The following GAS2 variants were observed in gnomAD, a reference collection of about 807,000 sequenced individuals.
GAS2 encodes the protein growth arrest specific 2.
GAS2 carries 20 observed loss-of-function variants against 37.5 expected under a neutral mutation model. The observed-to-expected ratio is 0.53, with a 90% CI of 0.37 to 0.77. The LOEUF is 0.77. Among genes scored for constraint, GAS2 ranks in the 30% least tolerant of loss-of-function variants. The pLI, the probability that GAS2 is intolerant of heterozygous loss-of-function variation, is 0.00. For missense variants in GAS2, 336 were observed against 373.4 expected, an observed-to-expected ratio of 0.90 and a Z score of 0.82; for synonymous variants, 144 against 132.2, an observed-to-expected ratio of 1.09 and a Z score of -0.61.
chr11:22,641,210 A>C (rs890253036), intron 1 of GAS2, among the ~76,000 whole-genome samples: 3 of 144,036 alleles, frequency 2.1e-5, no homozygotes, highest in African/African-American at 7.5e-5. Flanking sequence ...TTATATATAT[A>C]TATATATATG....
chr11:22,716,879 A>G (rs1851706959), intron 3 of GAS2, among the ~76,000 whole-genome samples: 1 of 152,116 alleles, frequency 6.6e-6, no homozygotes, highest in African/African-American at 2.4e-5. Flanking sequence ...CAAATCAAGA[A>G]CTCAACCCCT....
intron 3 of GAS2, among the ~76,000 whole-genome samples, chr11:22,718,479 T>TG (rs1851792105): frequency 7.0e-6 from 1 of 143,148 alleles, no homozygotes; most frequent in Non-Finnish European, 1.5e-5. Context: ...TGAAAAGGCA[T>TG]AAGAATAATA....
At chr11:22,646,095 G>A (rs1345542270) in intron 1 of GAS2, among the ~76,000 whole-genome samples, 2 of 151,878 alleles carry the variant, frequency 1.3e-5, no homozygotes, top group South Asian at 2.1e-4. Flanking sequence ...CAACTGTCTC[G>A]GCCTCCTGAA....
chr11:22,751,729 A>G (rs1853743611), intron 6 of GAS2, among the ~76,000 whole-genome samples: 1 of 151,950 alleles, frequency 6.6e-6, no homozygotes, highest in South Asian at 2.1e-4. Flanking sequence ...CTATCTGGCA[A>G]TCCTTGAGAT....
intron 1 of GAS2, among the ~76,000 whole-genome samples, chr11:22,657,966 G>A (rs1470209765): frequency 6.6e-6 from 1 of 151,102 alleles, no homozygotes; most frequent in Non-Finnish European, 1.5e-5. Context: ...TTTGGTGTTA[G>A]AAATTTAAAA....
chr11:22,706,577 A>T (rs1213481431), intron 3 of GAS2, among the ~76,000 whole-genome samples: 2 of 151,886 alleles, frequency 1.3e-5, no homozygotes, highest in Non-Finnish European at 2.9e-5. Flanking sequence ...GAGTGAGAAT[A>T]TGCGGTGTTT....
At chr11:22,706,438 C>A (rs1851124283) in intron 3 of GAS2, among the ~76,000 whole-genome samples, 1 of 152,040 alleles carries the variant, frequency 6.6e-6, no homozygotes, top group African/African-American at 2.4e-5. Context: ...CACCCACTAA[C>A]TCGTCATCTA....
At chr11:22,627,328 AATAAAT>A (rs1280744886) in intron 1 of GAS2, among the ~76,000 whole-genome samples, 2 of 152,228 alleles carry the variant, frequency 1.3e-5, no homozygotes, top group African/African-American at 4.8e-5. Flanking sequence ...TTAGTAGTAA[AATAAAT>A]GCAGTCCTAG....
chr11:22,766,793 A>G lies in GAS2; in HGVS notation c.723+10840A>G, dbSNP rs533815017. On this transcript the variant is annotated intron_variant, in intron 7 of 7. Coordinates refer to ENST00000454584, the MANE Select transcript of GAS2 (RefSeq NM_001143830.3). ...AGAAACTAAGGAACATTTACAATTT[A>G]CTACAATTATAAACTTATATTTATG... Among the ~76,000 whole-genome samples, 14 of 152,338 alleles carry G rather than the reference A, an allele frequency of 9.2e-5. No homozygotes were observed. In the South Asian group the frequency reaches 2.9e-3, roughly 32 times the overall value.
At chr11:22,745,993 A>G (rs1056248787) in intron 5 of GAS2, among the ~76,000 whole-genome samples, 1 of 152,040 alleles carries the variant, frequency 6.6e-6, no homozygotes, top group Non-Finnish European at 1.5e-5. Context: ...ATAAAAAATT[A>G]CAAAAACTCC....
At chr11:22,751,577 C>A (rs1471429349) in intron 6 of GAS2, among the ~76,000 whole-genome samples, 1 of 151,920 alleles carries the variant, frequency 6.6e-6, no homozygotes, top group East Asian at 1.9e-4. Context: ...TCTGTTTATC[C>A]ATGTTGGCCA....
At chr11:22,704,272 A>G (rs1850991814) in intron 3 of GAS2, among the ~76,000 whole-genome samples, 1 of 152,066 alleles carries the variant, frequency 6.6e-6, no homozygotes, top group South Asian at 2.1e-4. Context: ...TTTTAAATAA[A>G]TGAAATAAAT....
intron 3 of GAS2, among the ~76,000 whole-genome samples, chr11:22,711,132 G>GA (rs1172754813): frequency 6.6e-6 from 1 of 152,090 alleles, no homozygotes; most frequent in African/African-American, 2.4e-5. Context: ...TTAGACAGCT[G>GA]AAAAAACTAT....
intron 7 of GAS2, among the ~76,000 whole-genome samples, chr11:22,786,632 G>A (rs988776494): frequency 2.6e-5 from 4 of 152,072 alleles, no homozygotes; most frequent in Admixed American, 6.6e-5. Flanking sequence ...TGTATCTACC[G>A]TTTACTTCTA....
At chr11:22,737,827 C>A (rs1852837170) in intron 5 of GAS2, 59 bp downstream of exon 5, 10 of 1,452,890 alleles carry the variant, frequency 6.9e-6, no homozygotes, top group South Asian at 5.7e-5. Flanking sequence ...CCAAGCAACA[C>A]AGAAGCTTGC....
chr11:22,670,104 C>T (rs778248522), intron 1 of GAS2, among the ~76,000 whole-genome samples: 1 of 152,094 alleles, frequency 6.6e-6, no homozygotes, highest in Non-Finnish European at 1.5e-5. Flanking sequence ...CGATTTGGAG[C>T]ACTGTTTATT....
chr11:22,806,591 C>T (rs1235875773), intron 7 of GAS2, among the ~76,000 whole-genome samples: 1 of 152,178 alleles, frequency 6.6e-6, no homozygotes, highest in East Asian at 1.9e-4. Context: ...GTTCCCTTTT[C>T]TCCACATTCT....
At chr11:22,651,184 GTT>G (rs1282463345) in intron 1 of GAS2, among the ~76,000 whole-genome samples, 21 of 151,468 alleles carry the variant, frequency 1.4e-4, no homozygotes, top group African/African-American at 4.3e-4. Flanking sequence ...ATGAAGCTTA[GTT>G]TGGCTGGATA....
intron 1 of GAS2, among the ~76,000 whole-genome samples, chr11:22,667,388 C>A (rs1409550616): frequency 6.6e-6 from 1 of 152,102 alleles, no homozygotes; most frequent in African/African-American, 2.4e-5. Flanking sequence ...TTACTTGAGT[C>A]GTTGAGGCCA....
Sources: allele counts gnomAD v4.1 joint callset (sites outside exome capture counted in the v4.1 genomes callset), GRCh38; gene constraint gnomAD v4.1.1; transcripts MANE v1.5; gene names NCBI Gene and HGNC (gene_info 2026-07-23, HGNC 2026-07-21).